Variants in CDH18 observed in about 807,000 individuals in gnomAD.
CDH18 encodes the protein cadherin 18, also known as cadherin-18.
CDH18 carries 31 observed loss-of-function variants against 67.9 expected under a neutral mutation model. The ratio of observed to expected loss-of-function variants is 0.46; its 90% CI spans 0.34 to 0.62. CDH18 has a LOEUF of 0.62. Among genes scored for constraint, CDH18 ranks in the 20% least tolerant of loss-of-function variants. The pLI is 0.01. For missense variants in CDH18, 890 were observed against 975.5 expected (o/e 0.91, Z 1.17); for synonymous variants, 362 against 347.2 (o/e 1.04, Z -0.48).
At chr5:20,425,067 T>TA (rs991284028) in intron 1 of CDH18, among the ~76,000 whole-genome samples, 6 of 149,898 alleles carry the variant, frequency 4.0e-5, no homozygotes, top group South Asian at 2.1e-4. Context: ...GTCTTAGAGT[T>TA]AAAAAAAAAT....
rs534773014 is a variant in CDH18, at chr5:19,645,344, A to G, written c.644-32743T>C. On this transcript the variant is annotated intron_variant, in intron 5 of 12. Transcript: ENST00000382275. The stretch of plus-strand genomic sequence containing the variant: ...AGCCTTCCAGGCAGTAGTGAAAGTC[A>G]AAGCAAACTGCAAAGCTAGAGGGAA... Among the ~76,000 whole-genome samples, 195 of 152,338 alleles carry G rather than the reference A, an allele frequency of 1.3e-3. 1 individual carries two copies. The highest frequency in any genetic ancestry group is 4.5e-3 in the African/African-American group (189 of 41,590).
intron 3 of CDH18, among the ~76,000 whole-genome samples, chr5:19,750,691 A>AT (rs535367331): frequency 1.8e-4 from 27 of 151,076 alleles, no homozygotes; most frequent in Middle Eastern, 3.4e-3. Flanking sequence ...GATGCCCATG[A>AT]TTTTTTTTTA....
At chr5:19,587,693 G>A (rs1351234578) in intron 7 of CDH18, among the ~76,000 whole-genome samples, 1 of 151,206 alleles carries the variant, frequency 6.6e-6, no homozygotes, top group Non-Finnish European at 1.5e-5. Context: ...TTTGGTTACT[G>A]TAGCACTGTA....
At chr5:20,303,321 A>G (rs999525327) in intron 1 of CDH18, among the ~76,000 whole-genome samples, 6 of 152,060 alleles carry the variant, frequency 3.9e-5, no homozygotes, top group African/African-American at 1.2e-4. Context: ...CAATCCCCCT[A>G]TATCTTCATT....
intron 9 of CDH18, among the ~76,000 whole-genome samples, chr5:19,522,470 C>G (rs1010831997): frequency 6.6e-6 from 1 of 152,114 alleles, no homozygotes; most frequent in Non-Finnish European, 1.5e-5. Context: ...TAAGGACATA[C>G]CATCCAGATT....
At chr5:19,906,666 G>A (rs1346105212) in intron 2 of CDH18, among the ~76,000 whole-genome samples, 1 of 151,928 alleles carries the variant, frequency 6.6e-6, no homozygotes, top group African/African-American at 2.4e-5. Flanking sequence ...TCTGACAAAT[G>A]TATTCAGAAA....
chr5:19,480,597 T>A lies in CDH18; in HGVS notation c.1882+2704A>T, dbSNP rs1170928628. On this transcript the variant is annotated intron_variant, in intron 12 of 12. Transcript: ENST00000382275. ...TTTCACCGTGTTAGCCAGGATGGTC[T>A]CGATCCCCTGACCTCGTGATGCGCC... 2.0e-5 allele frequency among the ~76,000 whole-genome samples: 3 copies of A among 152,158 alleles called. No individual in the cohort carries two copies. In the East Asian group the frequency reaches 5.8e-4, roughly 30 times the overall value.
At chr5:19,887,639 T>A (rs896529999) in intron 2 of CDH18, among the ~76,000 whole-genome samples, 3 of 151,926 alleles carry the variant, frequency 2.0e-5, no homozygotes, top group Non-Finnish European at 2.9e-5. Context: ...CATGATCATA[T>A]TTCACTGTAG....
chr5:19,957,886 T>C (rs569106452), intron 2 of CDH18, among the ~76,000 whole-genome samples: 1 of 152,216 alleles, frequency 6.6e-6, no homozygotes, highest in African/African-American at 2.4e-5. Context: ...AAATGTAATA[T>C]GTAGATAACT....
chr5:20,533,812 C>T (rs1581163712), intron 1 of CDH18, among the ~76,000 whole-genome samples: 1 of 151,976 alleles, frequency 6.6e-6, no homozygotes, highest in South Asian at 2.1e-4. Context: ...AAATGATATT[C>T]ATTCTTTTAT....
intron 5 of CDH18, among the ~76,000 whole-genome samples, chr5:19,717,960 T>C (rs1765540510): frequency 6.6e-6 from 1 of 151,992 alleles, no homozygotes; most frequent in Non-Finnish European, 1.5e-5. Context: ...AATCATAAAA[T>C]TACCTTAACG....
rs544847201 is a variant in CDH18, at chr5:19,656,330, A to G, written c.644-43729T>C. 7.2e-5 allele frequency among the ~76,000 whole-genome samples: 11 copies of G among 152,160 alleles called. No homozygotes were observed. In the South Asian group the frequency reaches 1.9e-3, roughly 26 times the overall value. ...CAAATTTAAAACATTCAGAATCAACATTTAACTTTTTTAAATCATTTTTTT... is the reference window on the plus strand; with the variant it reads ...CAAATTTAAAACATTCAGAATCAACGTTTAACTTTTTTAAATCATTTTTTT... On this transcript the variant is annotated intron_variant, in intron 5 of 12. Coordinates refer to ENST00000382275, the MANE Select transcript of CDH18 (RefSeq NM_004934.5).
intron 2 of CDH18, among the ~76,000 whole-genome samples, chr5:20,234,054 T>G (rs1742286568): frequency 1.3e-5 from 2 of 152,176 alleles, no homozygotes; most frequent in South Asian, 4.1e-4. Flanking sequence ...ACTTTCATTC[T>G]GCAATGGTAT....
At chr5:20,538,364 A>C (rs935646808) in intron 1 of CDH18, among the ~76,000 whole-genome samples, 1 of 152,210 alleles carries the variant, frequency 6.6e-6, no homozygotes, top group Non-Finnish European at 1.5e-5. Context: ...TGGTGATTTC[A>C]TCTATTTATC....
chr5:20,360,998 T>C (rs1742047105), intron 1 of CDH18, among the ~76,000 whole-genome samples: 1 of 152,014 alleles, frequency 6.6e-6, no homozygotes, highest in South Asian at 2.1e-4. Context: ...TGGCACACAA[T>C]AAAATACCAA....
At chr5:20,425,495 A>G (rs1368998679) in intron 1 of CDH18, among the ~76,000 whole-genome samples, 1 of 151,300 alleles carries the variant, frequency 6.6e-6, no homozygotes, top group Middle Eastern at 3.2e-3. Flanking sequence ...CATGTAAATT[A>G]AAACTGGATA....
intron 2 of CDH18, among the ~76,000 whole-genome samples, chr5:20,107,822 T>A (rs1179748321): frequency 6.6e-6 from 1 of 152,048 alleles, no homozygotes; most frequent in Non-Finnish European, 1.5e-5. Context: ...TGTGCAGGTT[T>A]GTTACATATG....
chr5:19,638,977 G>GTTTTTTTTTTTTTTTGTTT (rs1753591822), intron 5 of CDH18, among the ~76,000 whole-genome samples: 1 of 54,686 alleles, frequency 1.8e-5, no homozygotes, highest in Admixed American at 3.0e-4. Flanking sequence ...TTTTGTTGCT[G>GTTTTTTTTTTTTTTTGTTT]TTTTTTTTTT....
intron 1 of CDH18, chr5:20,305,223 A>G: frequency 1.4e-6 from 2 of 1,382,592 alleles, no homozygotes; most frequent in South Asian, 1.2e-5. Context: ...CAGCACCACT[A>G]CCAAATCCAG....
Sources: allele counts gnomAD v4.1 joint callset (sites outside exome capture counted in the v4.1 genomes callset), GRCh38; gene constraint gnomAD v4.1.1; transcripts MANE v1.5; gene names NCBI Gene and HGNC (gene_info 2026-07-23, HGNC 2026-07-21).